Variants in AOAH observed in about 807,000 individuals in gnomAD.
AOAH encodes acyloxyacyl hydrolase, also known as acyloxyacyl hydrolase (neutrophil).
Under a neutral mutation model 92.2 loss-of-function variants are expected in AOAH, and 64 were observed. That is an observed-to-expected ratio of 0.69 (90% CI 0.57 to 0.86). The LOEUF (loss-of-function observed/expected upper bound fraction) is 0.86. Among genes scored for constraint, AOAH ranks in the 40% least tolerant of loss-of-function variants. The pLI is 0.00. For synonymous variants in AOAH, 263 were observed against 254.5 expected (o/e 1.03, Z -0.32); for missense variants, 656 against 694.6 (o/e 0.94, Z 0.62).
At chr7:36,663,762 TC>T (rs1157057118) in intron 3 of AOAH, among the ~76,000 whole-genome samples, 5 of 152,234 alleles carry the variant, frequency 3.3e-5, no homozygotes, top group African/African-American at 1.2e-4. Context: ...AATGCTACTA[TC>T]CTTGTGCAAG....
intron 1 of AOAH, among the ~76,000 whole-genome samples, chr7:36,698,658 A>C (rs1797856850): frequency 6.6e-6 from 1 of 152,114 alleles, no homozygotes; most frequent in African/African-American, 2.4e-5. Context: ...TCTAATTTTC[A>C]AATAATTTTA....
At chr7:36,609,589 C>G (rs1027156765) in intron 11 of AOAH, among the ~76,000 whole-genome samples, 1 of 152,070 alleles carries the variant, frequency 6.6e-6, no homozygotes, top group Non-Finnish European at 1.5e-5. Flanking sequence ...TAGGGCACGC[C>G]TTCCTAGGTT....
chr7:36,557,752 T>C (rs1429266536), intron 13 of AOAH, among the ~76,000 whole-genome samples: 1 of 152,228 alleles, frequency 6.6e-6, no homozygotes, highest in African/African-American at 2.4e-5. Context: ...CCATCGCTGA[T>C]ACCCTTTCTT....
intron 2 of AOAH, among the ~76,000 whole-genome samples, chr7:36,674,699 G>A (rs1796130084): frequency 6.6e-6 from 1 of 152,184 alleles, no homozygotes; most frequent in African/African-American, 2.4e-5. Flanking sequence ...ATTCAACTCA[G>A]GATCTTAGCA....
At chr7:36,620,969 G>A in intron 8 of AOAH, 140 bp from the exon 9 acceptor site, 3 of 740,722 alleles carry the variant, frequency 4.1e-6, no homozygotes, top group Non-Finnish European at 6.8e-6. Context: ...TCATGGAATA[G>A]CATCACATCC....
At chr7:36,689,741 A>G (rs943221049) in intron 1 of AOAH, among the ~76,000 whole-genome samples, 1 of 152,214 alleles carries the variant, frequency 6.6e-6, no homozygotes, top group African/African-American at 2.4e-5. Flanking sequence ...ACAGCCTGGT[A>G]TATTTCTCCA....
chr7:36,616,345 G>A lies in AOAH; in HGVS notation c.846+35C>T, dbSNP rs767193214. 3 of 1,544,402 alleles carry A rather than the reference G, an allele frequency of 1.9e-6. No homozygotes were observed. In the South Asian group the frequency reaches 3.4e-5, roughly 17 times the overall value. ...CAAGAGGAAACAAAAACAAAGGCCA[G>A]CACATCTGGAATGATTACTGCCAAA... On this transcript the variant is annotated intron_variant, in intron 11 of 20. Coordinates refer to ENST00000617537, the MANE Select transcript of AOAH (RefSeq NM_001637.4).
intron 6 of AOAH, among the ~76,000 whole-genome samples, chr7:36,626,381 T>A (rs1285947655): frequency 6.6e-6 from 1 of 152,198 alleles, no homozygotes; most frequent in Non-Finnish European, 1.5e-5. Context: ...GAAAGCTGAT[T>A]TATTAACCTT....
intron 9 of AOAH, 26 bp downstream of exon 9, chr7:36,620,755 G>A (rs1209284649): frequency 1.2e-6 from 2 of 1,611,158 alleles, no homozygotes; most frequent in Admixed American, 3.3e-5. Flanking sequence ...AGGAGAATGG[G>A]GTTCAAGCTG....
intron 20 of AOAH, among the ~76,000 whole-genome samples, chr7:36,514,303 T>C (rs749622881): frequency 1.4e-5 from 2 of 139,392 alleles, no homozygotes; most frequent in Non-Finnish European, 3.1e-5. Context: ...AATGGCATGT[T>C]TGGGGAACTA....
chr7:36,659,755 C>CTTTTTT (rs112482487), intron 3 of AOAH, among the ~76,000 whole-genome samples: 7 of 127,946 alleles, frequency 5.5e-5, no homozygotes, highest in African/African-American at 6.0e-5. Flanking sequence ...TTTTTTCTTT[C>CTTTTTT]TTTTTTTTTT....
intron 15 of AOAH, among the ~76,000 whole-genome samples, chr7:36,546,779 T>C (rs1449484259): frequency 1.3e-5 from 2 of 152,218 alleles, no homozygotes; most frequent in African/African-American, 4.8e-5. Context: ...CATAGCTTTG[T>C]TCTGTTTCGT....
chr7:36,642,635 G>A (rs933979926), intron 4 of AOAH, among the ~76,000 whole-genome samples: 2 of 152,212 alleles, frequency 1.3e-5, no homozygotes, highest in African/African-American at 2.4e-5. Context: ...GATGATGAAA[G>A]AGCAAGGGCC....
At chr7:36,675,784 T>C (rs951423703) in intron 2 of AOAH, among the ~76,000 whole-genome samples, 4 of 152,132 alleles carry the variant, frequency 2.6e-5, no homozygotes, top group Non-Finnish European at 5.9e-5. Flanking sequence ...ACAGAAATTA[T>C]ACACCATGAT....
chr7:36,532,907 G>A (rs758356396), intron 16 of AOAH, among the ~76,000 whole-genome samples: 5 of 152,102 alleles, frequency 3.3e-5, no homozygotes, highest in Non-Finnish European at 4.4e-5. Flanking sequence ...AAAGCCATAC[G>A]AAATACTTGG....
chr7:36,527,035 G>C (rs531448331), intron 19 of AOAH, among the ~76,000 whole-genome samples: 2 of 152,332 alleles, frequency 1.3e-5, no homozygotes, highest in Non-Finnish European at 2.9e-5. Context: ...TCCTCTGTTG[G>C]GGAGGTGTGG....
chr7:36,590,132 TA>T (rs1789643025), intron 12 of AOAH, among the ~76,000 whole-genome samples: 1 of 152,034 alleles, frequency 6.6e-6, no homozygotes, highest in African/African-American at 2.4e-5. Context: ...TAAAAAAAAA[TA>T]TTTTTTTAGA....
At chr7:36,535,092 GTGTGTT>G (rs1486171363) in intron 16 of AOAH, among the ~76,000 whole-genome samples, 20 of 107,834 alleles carry the variant, frequency 1.9e-4, no homozygotes, top group South Asian at 1.4e-3. Flanking sequence ...GTCTCTGTGT[GTGTGTT>G]TGTGTGTGTC....
At chr7:36,543,543 T>A (rs138764813) in intron 15 of AOAH, among the ~76,000 whole-genome samples, 2 of 152,198 alleles carry the variant, frequency 1.3e-5, no homozygotes, top group East Asian at 3.9e-4. Flanking sequence ...GCAAGATGAG[T>A]TAAGATGGAC....
Sources: gnomAD v4.1 joint callset for allele counts (sites outside exome capture counted in the v4.1 genomes callset) on GRCh38, gnomAD v4.1.1 for gene constraint, MANE v1.5 for transcripts, NCBI Gene and HGNC (gene_info 2026-07-23, HGNC 2026-07-21) for gene names.